Variants in RETREG1 observed in about 807,000 individuals in gnomAD.
RETREG1 encodes reticulophagy regulator 1.
In RETREG1, 44 loss-of-function variants were observed where a neutral mutation model predicts 54.8. That is an observed-to-expected ratio of 0.80 (90% CI 0.63 to 1.03). The LOEUF is 1.03. RETREG1 is among the 50% of genes least tolerant of loss of function. RETREG1 has a pLI of 0.00. For synonymous variants in RETREG1, 217 were observed against 238.5 expected (o/e 0.91, Z 0.83); for missense variants, 554 against 605.1 (o/e 0.92, Z 0.89).
At chr5:16,572,520 A>G (rs2126306369) in intron 1 of RETREG1, among the ~76,000 whole-genome samples, 1 of 152,228 alleles carries the variant, frequency 6.6e-6, no homozygotes, top group African/African-American at 2.4e-5. Flanking sequence ...GCATGATTTC[A>G]CTTTCCAAAA....
intron 3 of RETREG1, among the ~76,000 whole-genome samples, chr5:16,533,932 C>T (rs1284706832): frequency 6.6e-6 from 1 of 152,138 alleles, no homozygotes; most frequent in Non-Finnish European, 1.5e-5. Context: ...TCATCGCCAG[C>T]TTCTAATGCA....
chr5:16,616,891 C>T lies in RETREG1; in HGVS notation c.81G>A (p.Pro27=), dbSNP rs1393769718. The T allele has an allele frequency of 4.0e-6, 6 of 1,482,250 alleles. No homozygotes were observed. The highest frequency in any genetic ancestry group is 5.3e-6 in the Non-Finnish European group (6 of 1,123,846). 91.8% of individuals were successfully genotyped at this position (1,482,250 alleles called of 1,614,324 possible). The part of the protein sequence containing the change: ...PAAEEQAPPS[P]PPPQASPAER... ...CTGCGGGGGATGCCTGGGGCGGTGG[C>T]GGCGACGGCGGCGCCTGCTCCTCGG... is the stretch of plus-strand genomic sequence containing the variant. The change falls in exon 1 of 9, where the codon CCG becomes CCA. Residue 27 remains proline (P), a synonymous_variant. Coordinates refer to ENST00000306320, the MANE Select transcript of RETREG1 (RefSeq NM_001034850.3).
At chr5:16,552,099 C>T (rs1741560409) in intron 3 of RETREG1, among the ~76,000 whole-genome samples, 2 of 152,218 alleles carry the variant, frequency 1.3e-5, no homozygotes, top group African/African-American at 2.4e-5. Flanking sequence ...TTCACAGGTT[C>T]TGAGTTACGG....
intron 4 of RETREG1, among the ~76,000 whole-genome samples, chr5:16,481,632 C>T (rs1362747561): frequency 6.6e-6 from 1 of 151,858 alleles, no homozygotes; most frequent in Non-Finnish European, 1.5e-5. Flanking sequence ...AATTTATGGC[C>T]ATCACTATCC....
chr5:16,520,322 T>TGTTG (rs1740492253), intron 3 of RETREG1, among the ~76,000 whole-genome samples: 1 of 140,870 alleles, frequency 7.1e-6, no homozygotes, highest in Non-Finnish European at 1.6e-5. Flanking sequence ...TTGTGGTTTT[T>TGTTG]TTTTTGTTGT....
intron 3 of RETREG1, among the ~76,000 whole-genome samples, chr5:16,509,923 G>A (rs1388510904): frequency 6.6e-6 from 1 of 152,212 alleles, no homozygotes; most frequent in Non-Finnish European, 1.5e-5. Context: ...GAGCCCCAGA[G>A]GTGGAGGCTG....
At chr5:16,533,110 C>T (rs1740960600) in intron 3 of RETREG1, among the ~76,000 whole-genome samples, 1 of 151,752 alleles carries the variant, frequency 6.6e-6, no homozygotes, top group Non-Finnish European at 1.5e-5. Flanking sequence ...AGTGGCGCTA[C>T]CTAGGCTCAC....
chr5:16,522,703 T>C (rs1740573919), intron 3 of RETREG1, among the ~76,000 whole-genome samples: 1 of 152,162 alleles, frequency 6.6e-6, no homozygotes, highest in South Asian at 2.1e-4. Context: ...TTTTAATAAC[T>C]TTTTTTGAAA....
chr5:16,614,148 A>C (rs942330589), intron 1 of RETREG1, among the ~76,000 whole-genome samples: 5 of 152,256 alleles, frequency 3.3e-5, no homozygotes, highest in Non-Finnish European at 5.9e-5. Flanking sequence ...TATAAATAAA[A>C]TGGATGGAAG....
chr5:16,584,781 C>T (rs1408096698), intron 1 of RETREG1, among the ~76,000 whole-genome samples: 2 of 152,122 alleles, frequency 1.3e-5, no homozygotes, highest in East Asian at 3.8e-4. Flanking sequence ...AAAATAAAGA[C>T]CCTCTCAATT....
intron 1 of RETREG1, among the ~76,000 whole-genome samples, chr5:16,573,164 G>A (rs546167134): frequency 2.6e-4 from 29 of 112,466 alleles, no homozygotes; most frequent in Non-Finnish European, 4.3e-4. Context: ...CCTGGTGAGA[G>A]AGTGAGATTC....
At chr5:16,532,662 C>T (rs1740947760) in intron 3 of RETREG1, among the ~76,000 whole-genome samples, 1 of 152,166 alleles carries the variant, frequency 6.6e-6, no homozygotes, top group Admixed American at 6.5e-5. Flanking sequence ...GAATTCTTCA[C>T]AGGAAGTTAA....
chr5:16,566,801 TTTTG>T (rs2126629586), intron 2 of RETREG1, among the ~76,000 whole-genome samples: 1 of 152,322 alleles, frequency 6.6e-6, no homozygotes, highest in East Asian at 1.9e-4. Flanking sequence ...TTTTGAACAG[TTTTG>T]TGCTTATGTT....
rs781239022 is a variant in RETREG1, at chr5:16,561,931, T to A, written c.458+3832A>T. ...TTTTTCAAATCCACTGAAATTACCC[T>A]AGCTCAGCTTGTCTAATCTTTCCCC... On this transcript the variant is annotated intron_variant, in intron 3 of 8. Coordinates refer to ENST00000306320, the MANE Select transcript of RETREG1 (RefSeq NM_001034850.3). This position sits in a 1 kb window ranked among gnomAD's most constrained non-coding sequence, Gnocchi z 4.2. Among the ~76,000 whole-genome samples, 8 of 152,212 alleles carry A rather than the reference T, an allele frequency of 5.3e-5. No individual in the cohort carries two copies. The highest frequency in any genetic ancestry group is 3.9e-4 in the Admixed American group (6 of 15,280).
chr5:16,481,629 G>A (rs1738777484), intron 4 of RETREG1, among the ~76,000 whole-genome samples: 1 of 151,816 alleles, frequency 6.6e-6, no homozygotes, highest in South Asian at 2.1e-4. Flanking sequence ...ATAAATTTAT[G>A]GCCATCACTA....
intron 3 of RETREG1, among the ~76,000 whole-genome samples, chr5:16,483,761 G>T (rs1471403310): frequency 6.6e-6 from 1 of 152,052 alleles, no homozygotes; most frequent in African/African-American, 2.4e-5. Context: ...CTCAGATATG[G>T]GATGGATCAG....
At chr5:16,589,236 T>C (rs1048287868) in intron 1 of RETREG1, among the ~76,000 whole-genome samples, 3 of 152,060 alleles carry the variant, frequency 2.0e-5, no homozygotes, top group South Asian at 2.1e-4. Context: ...AAAACAGTGT[T>C]GACACTCTTG....
At chr5:16,479,040 G>T in intron 5 of RETREG1, 53 bp from the exon 6 acceptor site, 2 of 1,554,474 alleles carry the variant, frequency 1.3e-6, no homozygotes, top group African/African-American at 1.4e-5. Context: ...AAAAGGCTAC[G>T]TACATTTCAG....
At chr5:16,536,204 G>A (rs74799072) in intron 3 of RETREG1, among the ~76,000 whole-genome samples, 3,770 of 152,176 alleles carry the variant, frequency 0.025, 162 homozygotes, top group African/African-American at 0.084. Context: ...CACTTCTCTG[G>A]CTTGGCATGA....
Sources: gnomAD v4.1 joint callset for allele counts (sites outside exome capture counted in the v4.1 genomes callset) on GRCh38, gnomAD v4.1.1 for gene constraint, Gnocchi (gnomAD v3.1) non-coding constraint, MANE v1.5 for transcripts, NCBI Gene and HGNC (gene_info 2026-07-23, HGNC 2026-07-21) for gene names.